PHC3: variants seen among roughly 807,000 people sequenced by gnomAD.
PHC3 encodes polyhomeotic-like protein 3.
PHC3 carries 13 observed loss-of-function variants against 107.4 expected under a neutral mutation model. The ratio of observed to expected loss-of-function variants is 0.12; its 90% CI spans 0.08 to 0.19. The LOEUF (loss-of-function observed/expected upper bound fraction) is 0.19, where lower values mean the gene tolerates loss of function less well. PHC3 is among the 10% of genes least tolerant of loss of function. PHC3 has a pLI of 1.00. For missense variants in PHC3, 992 were observed against 1,210.9 expected, an observed-to-expected ratio of 0.82 and a Z score of 2.68; for synonymous variants, 456 against 427.4, an observed-to-expected ratio of 1.07 and a Z score of -0.83.
At chr3:170,166,257 T>G (rs999149236) in intron 4 of PHC3, among the ~76,000 whole-genome samples, 1 of 152,132 alleles carries the variant, frequency 6.6e-6, no homozygotes, top group African/African-American at 2.4e-5. Context: ...TTGGCCAGGC[T>G]GGTCTCAAAC....
chr3:170,171,205 A>G, intron 4 of PHC3, 168 bp downstream of exon 4: 1 of 587,828 alleles, frequency 1.7e-6, no homozygotes, highest in Non-Finnish European at 2.9e-6. Context: ...CATAAGTTTA[A>G]CATTAGTTCT....
intron 6 of PHC3, among the ~76,000 whole-genome samples, chr3:170,141,730 G>GC (rs1724139743): frequency 6.6e-6 from 1 of 151,934 alleles, no homozygotes; most frequent in African/African-American, 2.4e-5. Flanking sequence ...TCCCACCTCA[G>GC]CCCCCCAGGT....
rs762880629 is a variant in PHC3 at position 170,107,047 on chromosome 3, G to A, written c.2354-101C>T. 5.8e-5 allele frequency: 41 copies of A among 711,252 alleles called. 1 individual carries two copies. The highest frequency in any genetic ancestry group is 8.5e-5 in the Non-Finnish European group (38 of 448,904). The allele number at this position is 711,252 out of a possible 1,614,324, so 44.1% of individuals were successfully genotyped here. Reference sequence around the variant, plus strand: ...GGTTGGATACTGCTAGCAAACCAATGGCCCTTTAACTTTTCAATCCACAGC... The same window carrying A: ...GGTTGGATACTGCTAGCAAACCAATAGCCCTTTAACTTTTCAATCCACAGC... On this transcript the variant is annotated intron_variant, in intron 11 of 14. Transcript: ENST00000495893.
chr3:170,156,046 C>T (rs1425903598), intron 4 of PHC3, among the ~76,000 whole-genome samples: 3 of 152,006 alleles, frequency 2.0e-5, no homozygotes, highest in Non-Finnish European at 4.4e-5. Flanking sequence ...AATAGTATTG[C>T]CTCATTATTT....
At chr3:170,159,319 T>C (rs1340983632) in intron 4 of PHC3, among the ~76,000 whole-genome samples, 1 of 148,526 alleles carries the variant, frequency 6.7e-6, no homozygotes, top group Non-Finnish European at 1.5e-5. Context: ...TTATCCATAA[T>C]AGAAAAACGG....
chr3:170,140,978 G>GT (rs1560084756), intron 6 of PHC3, among the ~76,000 whole-genome samples: 1 of 152,016 alleles, frequency 6.6e-6, no homozygotes, highest in African/African-American at 2.4e-5. Flanking sequence ...GAGAAGGAAT[G>GT]GAGCATTTAA....
At chr3:170,156,300 G>A (rs770638186) in intron 4 of PHC3, among the ~76,000 whole-genome samples, 6 of 151,602 alleles carry the variant, frequency 4.0e-5, no homozygotes, top group Admixed American at 6.6e-5. Flanking sequence ...TCTGCTGCCC[G>A]GACTGGAATG....
rs1377048210 is a variant in PHC3, at chr3:170,129,320, A to C, written c.1152T>G (p.Cys384Trp). The change falls in exon 8 of 15, where the codon TGT becomes TGG. Residue 384 changes from cysteine to tryptophan, a missense_variant. Coordinates refer to ENST00000495893, the MANE Select transcript of PHC3 (RefSeq NM_024947.4). ...GAGAGGGATGACTCTGAATCGGTGAACAATGCTGTGACTGGGCATTACTGG... is the reference window on the plus strand; with the variant it reads ...GAGAGGGATGACTCTGAATCGGTGACCAATGCTGTGACTGGGCATTACTGG... ...PAPSNAQSQH[C>W]SPIQSHPSPL... 6.2e-7 allele frequency: 1 copy of C among 1,613,874 alleles called. No homozygotes were observed. Among genetic ancestry groups the C allele is most frequent in the Non-Finnish European group, 8.5e-7 (1 of 1,179,896 alleles).
chr3:170,115,179 G>A (rs994152384), intron 10 of PHC3, among the ~76,000 whole-genome samples: 1 of 151,822 alleles, frequency 6.6e-6, no homozygotes, highest in Non-Finnish European at 1.5e-5. Flanking sequence ...TTTGAACAGT[G>A]AAAAAATGGA....
At chr3:170,160,323 T>C (rs536336374) in intron 4 of PHC3, among the ~76,000 whole-genome samples, 6 of 152,342 alleles carry the variant, frequency 3.9e-5, no homozygotes, top group African/African-American at 1.4e-4. Flanking sequence ...AAGATCTCTC[T>C]TCTGTTAACT....
intron 4 of PHC3, among the ~76,000 whole-genome samples, chr3:170,158,919 C>A (rs1445398672): frequency 1.4e-5 from 2 of 145,412 alleles, no homozygotes; most frequent in Non-Finnish European, 3.0e-5. Context: ...AAAGTGAGAA[C>A]CTGTCTTGAA....
At position 170,093,524 on chromosome 3, in the gene PHC3, A is replaced by G. The variant is rs1052042732; in HGVS notation, c.*3706T>C. 5.3e-5 allele frequency: 8 copies of G among 152,216 alleles called. No individual in the cohort carries two copies. Among genetic ancestry groups the G allele is most frequent in the African/African-American group, 1.9e-4 (8 of 41,464 alleles). The allele number at this position is 152,216 out of a possible 1,614,324, so 9.4% of individuals were successfully genotyped here. ...TGTCAGGTCAGCATCACTCACATAC[A>G]TCTATAATAGTGTATTCTTTCAAAA... On this transcript the variant is annotated 3_prime_UTR_variant, in exon 15 of 15. Coordinates refer to ENST00000495893, the MANE Select transcript of PHC3 (RefSeq NM_024947.4).
intron 11 of PHC3, among the ~76,000 whole-genome samples, chr3:170,109,246 G>A (rs1488115412): frequency 6.6e-6 from 1 of 151,996 alleles, no homozygotes; most frequent in Non-Finnish European, 1.5e-5. Flanking sequence ...AAAACCCTAC[G>A]AACATGGCCA....
intron 7 of PHC3, among the ~76,000 whole-genome samples, chr3:170,131,919 T>C (rs775337957): frequency 3.3e-5 from 5 of 152,246 alleles, no homozygotes; most frequent in Admixed American, 6.5e-5. Context: ...ATTCAACAGA[T>C]TAGCAATCTA....
At position 170,167,022 on chromosome 3, in the gene PHC3, A is replaced by G. The variant is rs147129454; in HGVS notation, c.414+4351T>C. On this transcript the variant is annotated intron_variant, in intron 4 of 14. Coordinates refer to ENST00000495893, the MANE Select transcript of PHC3 (RefSeq NM_024947.4). ...CCCTCCAAAAGAGTTGCACCAATCT[A>G]TATTACCACTAATAGTGTATGAGTA... Among the ~76,000 whole-genome samples the G allele has an allele frequency of 5.9e-4, 90 of 152,326 alleles. 1 individual carries two copies. Among genetic ancestry groups the G allele is most frequent in the African/African-American group, 2.1e-3 (87 of 41,570 alleles).
At chr3:170,136,782 G>C in intron 6 of PHC3, 117 bp from the exon 7 acceptor site, 2 of 1,081,432 alleles carry the variant, frequency 1.8e-6, no homozygotes, top group Non-Finnish European at 2.6e-6. Context: ...CATACGTAAA[G>C]CTCCAAGCAC....
At chr3:170,137,645 T>C (rs1191566728) in intron 6 of PHC3, among the ~76,000 whole-genome samples, 1 of 152,182 alleles carries the variant, frequency 6.6e-6, no homozygotes, top group Non-Finnish European at 1.5e-5. Flanking sequence ...CTATACCTTC[T>C]CCCAGCACTT....
chr3:170,126,528 A>ATATTTTTTTT (rs370421296), intron 8 of PHC3, among the ~76,000 whole-genome samples: 15 of 90,638 alleles, frequency 1.7e-4, no homozygotes, highest in African/African-American at 4.9e-4. Flanking sequence ...ATATATATAT[A>ATATTTTTTTT]TTTTTTTTTT....
chr3:170,140,535 T>C (rs986700637), intron 6 of PHC3, among the ~76,000 whole-genome samples: 1 of 150,212 alleles, frequency 6.7e-6, no homozygotes, highest in Non-Finnish European at 1.5e-5. Flanking sequence ...ATTACATGCG[T>C]GAGCCACTGT....
Sources: gnomAD v4.1 joint callset for allele counts (sites outside exome capture counted in the v4.1 genomes callset) on GRCh38, gnomAD v4.1.1 for gene constraint, MANE v1.5 for transcripts, NCBI Gene and HGNC (gene_info 2026-07-23, HGNC 2026-07-21) for gene names.